The following FER variants were observed in gnomAD, a reference collection of about 807,000 sequenced individuals.
FER encodes the protein FER tyrosine kinase.
FER carries 63 observed loss-of-function variants against 111.0 expected under a neutral mutation model. That is an observed-to-expected ratio of 0.57 (90% CI 0.46 to 0.70). FER has a LOEUF of 0.70. Among genes scored for constraint, FER ranks in the 30% least tolerant of loss-of-function variants. The pLI is 0.00. For missense variants in FER, 914 were observed against 954.0 expected, an observed-to-expected ratio of 0.96 and a Z score of 0.55; for synonymous variants, 327 against 313.9, an observed-to-expected ratio of 1.04 and a Z score of -0.44.
intron 13 of FER, among the ~76,000 whole-genome samples, chr5:108,972,441 T>A (rs1233884308): frequency 6.6e-6 from 1 of 152,214 alleles, no homozygotes; most frequent in Non-Finnish European, 1.5e-5. Flanking sequence ...TCCATCTTCA[T>A]TATTAGTCTC....
chr5:108,977,494 A>T (rs1761514257), intron 13 of FER, among the ~76,000 whole-genome samples: 1 of 152,192 alleles, frequency 6.6e-6, no homozygotes. Flanking sequence ...AAGTGAATCC[A>T]CACAGTTCAA....
intron 13 of FER, among the ~76,000 whole-genome samples, chr5:108,967,408 G>C (rs993801560): frequency 6.6e-6 from 1 of 152,120 alleles, no homozygotes; most frequent in Non-Finnish European, 1.5e-5. Context: ...ATTGGTTTGT[G>C]AGTATGCAGA....
At chr5:108,899,918 T>G (rs1466094907) in intron 10 of FER, among the ~76,000 whole-genome samples, 6 of 152,234 alleles carry the variant, frequency 3.9e-5, no homozygotes, top group Admixed American at 3.9e-4. Context: ...TAGTGTAGTT[T>G]AAGAGAATGA....
Position 109,136,401 on chromosome 5 carries a change from G to A in FER, c.2048+35882G>A, listed in dbSNP as rs759426573. 1.6e-4 allele frequency among the ~76,000 whole-genome samples: 25 copies of A among 152,236 alleles called. No homozygotes were observed. The East Asian group carries it at 3.3e-3, about 20-fold the overall frequency. ...AGTTAGAATACATATATAAAAAATC[G>A]TGTTTTAATTGAGTCCTTTCTGGTT... On this transcript the variant is annotated intron_variant, in intron 17 of 19. Transcript: ENST00000281092.
intron 17 of FER, among the ~76,000 whole-genome samples, chr5:109,108,963 AC>A (rs542793218): frequency 1.0e-3 from 156 of 152,280 alleles, no homozygotes; most frequent in African/African-American, 3.6e-3. Flanking sequence ...TTTATTAAAT[AC>A]AAAAGCACTA....
intron 9 of FER, among the ~76,000 whole-genome samples, chr5:108,895,475 C>T (rs369285118): frequency 5.7e-4 from 87 of 152,264 alleles, no homozygotes; most frequent in African/African-American, 2.0e-3. Flanking sequence ...GGAGAATTTG[C>T]TTCCTTTGCC....
rs531716815 is a variant in FER, at chr5:109,191,649, C to G, written c.*4074C>G. On this transcript the variant is annotated 3_prime_UTR_variant, in exon 20 of 20. Transcript: ENST00000281092. ...GAGTTTATATTACATTTCCATTATACTAAGTCAGTGTGAAAGTTTACCATC... is the reference window on the plus strand; with the variant it reads ...GAGTTTATATTACATTTCCATTATAGTAAGTCAGTGTGAAAGTTTACCATC... The G allele has an allele frequency of 6.6e-6, 1 of 152,066 alleles. No individual in the cohort carries two copies. Among genetic ancestry groups the G allele is most frequent in the African/African-American group, 2.4e-5 (1 of 41,412 alleles). The allele number at this position is 152,066 out of a possible 1,614,324, so 9.4% of individuals were successfully genotyped here.
At position 108,811,682 on chromosome 5, in the gene FER, C is replaced by T. The variant is rs552441397; in HGVS notation, c.207+13293C>T. On this transcript the variant is annotated intron_variant, in intron 3 of 19. Coordinates refer to ENST00000281092, the MANE Select transcript of FER (RefSeq NM_005246.4). ...GTCTAAAAGACACACGATATGCTGT[C>T]TGCAAGCTGGAGAACTAGGAAAGAC... 3.3e-5 allele frequency among the ~76,000 whole-genome samples: 5 copies of T among 152,238 alleles called. No homozygotes were observed. The South Asian group carries it at 8.3e-4, about 25-fold the overall frequency.
intron 2 of FER, among the ~76,000 whole-genome samples, chr5:108,782,192 G>A (rs1006639859): frequency 2.0e-5 from 3 of 151,998 alleles, no homozygotes; most frequent in Non-Finnish European, 4.4e-5. Context: ...GGTTTGCCGT[G>A]TGACTTCATT....
chr5:108,830,321 G>C (rs374585922), intron 3 of FER, among the ~76,000 whole-genome samples: 1 of 152,192 alleles, frequency 6.6e-6, no homozygotes, highest in South Asian at 2.1e-4. Flanking sequence ...GGGCGTAGTG[G>C]TTCACACATG....
At position 108,950,011 on chromosome 5, in the gene FER, G is replaced by A. The variant is rs563404238; in HGVS notation, c.1329+3789G>A. Among the ~76,000 whole-genome samples the A allele has an allele frequency of 6.6e-5, 10 of 152,094 alleles. No homozygotes were observed. The East Asian group carries it at 1.9e-3, about 29-fold the overall frequency. On this transcript the variant is annotated intron_variant, in intron 11 of 19. Coordinates refer to ENST00000281092, the MANE Select transcript of FER (RefSeq NM_005246.4). Reference sequence around the variant, plus strand: ...AATGATGAGTAAGGGAACAAAAGAAGCCGGCAAAAAAGAAGTCGGAGGAAA... The same window carrying A: ...AATGATGAGTAAGGGAACAAAAGAAACCGGCAAAAAAGAAGTCGGAGGAAA...
chr5:108,807,276 T>C (rs866032586), intron 3 of FER, among the ~76,000 whole-genome samples: 5 of 152,184 alleles, frequency 3.3e-5, no homozygotes, highest in South Asian at 2.1e-4. Flanking sequence ...CTCTGTCTTT[T>C]GTAAATTGCC....
chr5:108,940,969 G>T (rs746789961), intron 10 of FER, among the ~76,000 whole-genome samples: 5 of 152,056 alleles, frequency 3.3e-5, no homozygotes, highest in Non-Finnish European at 7.4e-5. Flanking sequence ...CAAAGACTAG[G>T]CTGGGGAATG....
intron 17 of FER, among the ~76,000 whole-genome samples, chr5:109,173,337 C>A (rs1288118338): frequency 6.6e-6 from 1 of 152,240 alleles, no homozygotes; most frequent in Non-Finnish European, 1.5e-5. Context: ...GGAATCACCA[C>A]AGGCCTCTGT....
chr5:109,057,086 T>C (rs1773751998), intron 16 of FER, among the ~76,000 whole-genome samples: 1 of 152,210 alleles, frequency 6.6e-6, no homozygotes, highest in African/African-American at 2.4e-5. Flanking sequence ...TGTAGTTACA[T>C]AGGTTGTCTG....
chr5:109,119,477 T>C lies in FER; in HGVS notation c.2048+18958T>C, dbSNP rs1211589659. Among the ~76,000 whole-genome samples the C allele has an allele frequency of 2.0e-5, 3 of 152,224 alleles. No homozygotes were observed. The South Asian group carries it at 6.2e-4, about 32-fold the overall frequency. The stretch of plus-strand genomic sequence containing the variant: ...GTGCAGTGTGGTGCTAAAAAGAATG[T>C]ATATTCTGTTGATTTGGGGTGGAGA... On this transcript the variant is annotated intron_variant, in intron 17 of 19. Transcript: ENST00000281092.
At chr5:108,862,150 A>T (rs1311287298) in intron 5 of FER, among the ~76,000 whole-genome samples, 1 of 152,192 alleles carries the variant, frequency 6.6e-6, no homozygotes, top group African/African-American at 2.4e-5. Flanking sequence ...AATACAATAG[A>T]TTCTGCATTG....
chr5:109,084,426 CT>C (rs1777328654), intron 16 of FER, among the ~76,000 whole-genome samples: 1 of 151,710 alleles, frequency 6.6e-6, no homozygotes, highest in Non-Finnish European at 1.5e-5. Flanking sequence ...GTGAATGTAC[CT>C]AACACTACTG....
At chr5:109,130,028 TAGA>T (rs1159572641) in intron 17 of FER, among the ~76,000 whole-genome samples, 1 of 151,438 alleles carries the variant, frequency 6.6e-6, no homozygotes, top group African/African-American at 2.4e-5. Context: ...ATGAATAGTT[TAGA>T]AGGACAATGT....
Sources: allele counts gnomAD v4.1 joint callset (sites outside exome capture counted in the v4.1 genomes callset), GRCh38; gene constraint gnomAD v4.1.1; transcripts MANE v1.5; gene names NCBI Gene and HGNC (gene_info 2026-07-23, HGNC 2026-07-21).